MIA2: variants seen among roughly 807,000 people sequenced by gnomAD.
The protein encoded by MIA2 is MIA SH3 domain ER export factor 2.
In MIA2, 127 loss-of-function variants were observed where a neutral mutation model predicts 167.8. That is an observed-to-expected ratio of 0.76 (90% confidence interval 0.66 to 0.88). MIA2 has a LOEUF of 0.88. Ranked by LOEUF, MIA2 falls within the 40% of genes least tolerant of loss-of-function variation. The pLI, the probability that MIA2 is intolerant of heterozygous loss-of-function variation, is 0.00. For missense variants in MIA2, 1,690 were observed against 1,624.7 expected (o/e 1.04, Z -0.69); for synonymous variants, 552 against 541.9 (o/e 1.02, Z -0.26).
intron 26 of MIA2, 34 bp from the exon 27 acceptor site, chr14:39,347,679 C>A: frequency 6.2e-7 from 1 of 1,602,276 alleles, no homozygotes; most frequent in South Asian, 1.1e-5. Flanking sequence ...AGTGATAAAT[C>A]ATGTACTTTT....
chr14:39,347,335 A>G (rs1309745482), intron 26 of MIA2, among the ~76,000 whole-genome samples: 1 of 152,158 alleles, frequency 6.6e-6, no homozygotes, highest in African/African-American at 2.4e-5. Context: ...AGTCTCTCTT[A>G]CTTAATGGAG....
At chr14:39,341,667 GA>G (rs561192404) in intron 25 of MIA2, among the ~76,000 whole-genome samples, 3 of 151,892 alleles carry the variant, frequency 2.0e-5, no homozygotes, top group African/African-American at 7.2e-5. Flanking sequence ...GATCTGAAGA[GA>G]AAAAAAGGTA....
intron 25 of MIA2, among the ~76,000 whole-genome samples, chr14:39,343,795 A>G (rs1003129875): frequency 6.6e-6 from 1 of 152,028 alleles, no homozygotes; most frequent in African/African-American, 2.4e-5. Flanking sequence ...GTATATGTGT[A>G]TGTGTATATG....
intron 6 of MIA2, among the ~76,000 whole-genome samples, chr14:39,273,599 G>GT (rs57512371): frequency 1.2e-3 from 177 of 149,064 alleles, no homozygotes; most frequent in Middle Eastern, 3.4e-3. Flanking sequence ...ATGATCATGC[G>GT]TTTTTTTTTT....
intron 18 of MIA2, among the ~76,000 whole-genome samples, chr14:39,311,110 A>G (rs914409753): frequency 6.6e-6 from 1 of 152,182 alleles, no homozygotes; most frequent in Non-Finnish European, 1.5e-5. Flanking sequence ...TTAGATTTTT[A>G]AAGGAAGGAT....
chr14:39,291,199 A>G (rs2060696102), intron 10 of MIA2, 103 bp downstream of exon 10: 2 of 953,268 alleles, frequency 2.1e-6, no homozygotes, highest in African/African-American at 3.4e-5. Context: ...AAAAATGTGA[A>G]AGAGCATCTC....
At chr14:39,244,115 C>T (rs184807016) in intron 3 of MIA2, among the ~76,000 whole-genome samples, 33 of 152,316 alleles carry the variant, frequency 2.2e-4, no homozygotes, top group Non-Finnish European at 2.9e-4. Flanking sequence ...GGGGGTCTTA[C>T]GCCCTACAAT....
intron 2 of MIA2, among the ~76,000 whole-genome samples, chr14:39,239,017 C>T (rs2053923388): frequency 6.6e-6 from 1 of 152,010 alleles, no homozygotes; most frequent in Non-Finnish European, 1.5e-5. Flanking sequence ...CTTTTACTCC[C>T]AAGCTGAACA....
At chr14:39,302,082 G>C in intron 14 of MIA2, 47 bp from the exon 15 acceptor site, 1 of 1,585,988 alleles carries the variant, frequency 6.3e-7, no homozygotes, top group Non-Finnish European at 8.6e-7. Context: ...AAAGCTGTTA[G>C]CATAAGGCAT....
intron 6 of MIA2, chr14:39,269,072 CAGTT>C: frequency 2.8e-6 from 1 of 352,208 alleles, no homozygotes; most frequent in Middle Eastern, 1.1e-3. Context: ...TTCACCTGCA[CAGTT>C]TTTTTTTTTT....
chr14:39,319,910 T>A (rs867899125), intron 23 of MIA2, among the ~76,000 whole-genome samples: 52 of 152,212 alleles, frequency 3.4e-4, no homozygotes, highest in African/African-American at 1.2e-3. Flanking sequence ...TGAATTGGAA[T>A]TAAGCTTCTA....
intron 25 of MIA2, among the ~76,000 whole-genome samples, chr14:39,343,298 C>T (rs1432716636): frequency 1.3e-5 from 2 of 152,138 alleles, no homozygotes; most frequent in Non-Finnish European, 2.9e-5. Flanking sequence ...GCCTGTGCCA[C>T]CACACCTGGC....
Position 39,252,968 on chromosome 14 carries a change from T to C in MIA2, c.1786+2T>C, listed in dbSNP as rs1594688527. ...CTCAAAATTATATTTCTCAGAAAGGTAAGAAACAGGTTATTTATTCTCTAA... is the reference window on the plus strand; with the variant it reads ...CTCAAAATTATATTTCTCAGAAAGGCAAGAAACAGGTTATTTATTCTCTAA... On this transcript the variant is annotated splice_donor_variant, in intron 5 of 28. Coordinates refer to ENST00000640607, the MANE Select transcript of MIA2 (RefSeq NM_001329214.4). LOFTEE classifies it high-confidence loss of function. 1.3e-6 allele frequency: 2 copies of C among 1,597,326 alleles called. No individual in the cohort carries two copies. The highest frequency in any genetic ancestry group is 1.7e-6 in the Non-Finnish European group (2 of 1,170,064).
At chr14:39,274,762 A>C (rs547301518) in intron 6 of MIA2, among the ~76,000 whole-genome samples, 17 of 150,938 alleles carry the variant, frequency 1.1e-4, no homozygotes, top group African/African-American at 4.1e-4. Context: ...AGTCTGCCAG[A>C]TCTAACCAGC....
At chr14:39,296,605 C>CTTTTT (rs56677159) in intron 13 of MIA2, among the ~76,000 whole-genome samples, 1 of 138,688 alleles carries the variant, frequency 7.2e-6, no homozygotes, top group Admixed American at 7.2e-5. Flanking sequence ...CTTTTCTTTT[C>CTTTTT]TTTTTTTTTT....
At chr14:39,277,463 C>T (rs1332833553) in intron 7 of MIA2, among the ~76,000 whole-genome samples, 1 of 151,280 alleles carries the variant, frequency 6.6e-6, no homozygotes, top group Non-Finnish European at 1.5e-5. Context: ...GAAGTCGATG[C>T]TGCAGTGAGC....
intron 23 of MIA2, among the ~76,000 whole-genome samples, chr14:39,357,167 T>C (rs1402071817): frequency 6.6e-6 from 1 of 152,150 alleles, no homozygotes; most frequent in Non-Finnish European, 1.5e-5. Context: ...AAGTCTCCCG[T>C]TATTATTTTG....
intron 6 of MIA2, among the ~76,000 whole-genome samples, chr14:39,273,469 C>T (rs1485441330): frequency 2.6e-5 from 4 of 152,080 alleles, no homozygotes; most frequent in South Asian, 4.1e-4. Context: ...TCTCCCACCT[C>T]GGCCTTCTGA....
At chr14:39,244,137 G>A (rs1266599908) in intron 3 of MIA2, among the ~76,000 whole-genome samples, 4 of 152,166 alleles carry the variant, frequency 2.6e-5, no homozygotes, top group Non-Finnish European at 5.9e-5. Flanking sequence ...AAACAAGGTA[G>A]GTCAGATAAT....
Sources: gnomAD v4.1 joint callset for allele counts (sites outside exome capture counted in the v4.1 genomes callset) on GRCh38, gnomAD v4.1.1 for gene constraint, MANE v1.5 for transcripts, NCBI Gene and HGNC (gene_info 2026-07-23, HGNC 2026-07-21) for gene names.